The following NECTIN1 variants were observed in gnomAD, a reference collection of about 807,000 sequenced individuals.
NECTIN1 encodes the protein nectin-1.
A neutral mutation model predicts 48.0 loss-of-function variants in NECTIN1; 23 were observed. That is an observed-to-expected ratio of 0.48 (90% CI 0.34 to 0.68). NECTIN1 has a LOEUF of 0.68. Among genes scored for constraint, NECTIN1 ranks in the 30% least tolerant of loss-of-function variants. NECTIN1 has a pLI of 0.01. For missense variants in NECTIN1, 591 were observed against 709.9 expected, an observed-to-expected ratio of 0.83 and a Z score of 1.90; for synonymous variants, 270 against 288.9, an observed-to-expected ratio of 0.93 and a Z score of 0.66.
chr11:119,663,078 C>T lies in NECTIN1; in HGVS notation c.*1669G>A. ...AAGCCTATGGCAGGGTGGGTCAGTGCCCGTGGGGCACAGAGTGGTCTGCCT... is the reference window on the plus strand; with the variant it reads ...AAGCCTATGGCAGGGTGGGTCAGTGTCCGTGGGGCACAGAGTGGTCTGCCT... On this transcript the variant is annotated 3_prime_UTR_variant, in exon 6 of 6. Transcript: ENST00000264025. 8.1e-6 allele frequency: 8 copies of T among 985,438 alleles called. No homozygotes were observed. Among genetic ancestry groups the T allele is most frequent in the Non-Finnish European group, 9.6e-6 (8 of 829,928 alleles). 61.0% of individuals were successfully genotyped at this position (985,438 alleles called of 1,614,324 possible). A position where few individuals can be genotyped will look rare whatever the true frequency, so the allele number is the denominator to read the frequency against.
At chr11:119,638,852 G>GAGAGCCCCCATGTGT in intron 6 of NECTIN1, 2 of 1,528,292 alleles carry the variant, frequency 1.3e-6, no homozygotes, top group Non-Finnish European at 1.8e-6. Flanking sequence ...CACACATGGG[G>GAGAGCCCCCATGTGT]GCTCTCCCCA....
chr11:119,645,117 C>T (rs1273631339), intron 5 of NECTIN1, among the ~76,000 whole-genome samples: 5 of 151,778 alleles, frequency 3.3e-5, no homozygotes, highest in Non-Finnish European at 7.4e-5. Flanking sequence ...CAGGTGTTTG[C>T]GGGGAGCCAG....
chr11:119,707,472 C>G (rs1455861339), intron 1 of NECTIN1, among the ~76,000 whole-genome samples: 12 of 152,064 alleles, frequency 7.9e-5, no homozygotes. Flanking sequence ...ATCTCTCATG[C>G]TAGTGACCAC....
intron 1 of NECTIN1, among the ~76,000 whole-genome samples, chr11:119,728,024 A>T (rs1865941488): frequency 6.6e-6 from 1 of 151,936 alleles, no homozygotes; most frequent in Non-Finnish European, 1.5e-5. Flanking sequence ...CCGCCGAAAG[A>T]GACGAAGCCC....
Position 119,687,547 on chromosome 11 carries a change from G to A in NECTIN1, c.80-8782C>T, listed in dbSNP as rs540839875. Among the ~76,000 whole-genome samples the A allele has an allele frequency of 1.2e-3, 184 of 152,190 alleles. 2 individuals carry two copies. The highest frequency in any genetic ancestry group is 3.7e-3 in the South Asian group (18 of 4,820). On this transcript the variant is annotated intron_variant, in intron 1 of 5. Transcript: ENST00000264025. ...AACAACACTGTCTTGTAGCAGACAC[G>A]GCAGCCTGGATTTCCCTCGGCAAGT...
chr11:119,727,555 C>G lies in NECTIN1; in HGVS notation c.79+920G>C, dbSNP rs1865930461. Among the ~76,000 whole-genome samples the G allele has an allele frequency of 6.6e-6, 1 of 152,212 alleles. No homozygotes were observed. Among genetic ancestry groups the G allele is most frequent in the African/African-American group, 2.4e-5 (1 of 41,466 alleles). ...AAAGGGTTAAATCCAGGCGAGGGGA[C>G]TCGGTCGGATTTGCCTCCTAAACGC... On this transcript the variant is annotated intron_variant, in intron 1 of 5. Transcript: ENST00000264025. This position sits in a 1 kb window ranked among gnomAD's most constrained non-coding sequence, Gnocchi z 4.1.
rs370928169 is a variant in NECTIN1 at position 119,677,515 on chromosome 11, C to T, written c.733+40G>A. 142 of 1,605,916 alleles carry T rather than the reference C, an allele frequency of 8.8e-5. No homozygotes were observed. Among genetic ancestry groups the T allele is most frequent in the South Asian group, 3.0e-4 (27 of 90,830 alleles). Reference sequence around the variant, plus strand: ...GAGGAGGAGGGAGGAGGGACAGTGGCGCCCACCCCAGGAGGCCCCTGGCAG... The same window carrying T: ...GAGGAGGAGGGAGGAGGGACAGTGGTGCCCACCCCAGGAGGCCCCTGGCAG... On this transcript the variant is annotated intron_variant, in intron 3 of 5. Coordinates refer to ENST00000264025, the MANE Select transcript of NECTIN1 (RefSeq NM_002855.5). This position sits in a 1 kb window ranked among gnomAD's most constrained non-coding sequence, Gnocchi z 5.4.
intron 1 of NECTIN1, among the ~76,000 whole-genome samples, chr11:119,681,737 C>G (rs1865063400): frequency 6.6e-6 from 1 of 152,156 alleles, no homozygotes; most frequent in African/African-American, 2.4e-5. Context: ...CAGAAGCAAC[C>G]ACATGGTGGG....
chr11:119,657,645 G>A (rs1864596333), downstream of NECTIN1, among the ~76,000 whole-genome samples: 4 of 148,392 alleles, frequency 2.7e-5, no homozygotes, highest in South Asian at 8.5e-4. Context: ...CTGTTACGGG[G>A]CTCACACCTA....
chr11:119,695,012 C>G (rs926860399), intron 1 of NECTIN1, among the ~76,000 whole-genome samples: 1 of 152,110 alleles, frequency 6.6e-6, no homozygotes, highest in African/African-American at 2.4e-5. Context: ...CTCCTACTGT[C>G]TCTTATCTGG....
chr11:119,664,677 G>C lies in NECTIN1; in HGVS notation c.*70C>G. 6.7e-7 allele frequency: 1 copy of C among 1,483,706 alleles called. No individual in the cohort carries two copies. Among genetic ancestry groups the C allele is most frequent in the Non-Finnish European group, 9.0e-7 (1 of 1,109,422 alleles). The allele number at this position is 1,483,706 out of a possible 1,614,324, so 91.9% of individuals were successfully genotyped here. ...GTTCAGCTCCTGGAGTGGGAGGTGGGGGGTGGGCAGGGGGCGTGCGGGGAG... is the reference window on the plus strand; with the variant it reads ...GTTCAGCTCCTGGAGTGGGAGGTGGCGGGTGGGCAGGGGGCGTGCGGGGAG... On this transcript the variant is annotated 3_prime_UTR_variant, in exon 6 of 6. Coordinates refer to ENST00000264025, the MANE Select transcript of NECTIN1 (RefSeq NM_002855.5).
intron 5 of NECTIN1, among the ~76,000 whole-genome samples, chr11:119,674,118 C>T (rs1163621194): frequency 6.6e-6 from 1 of 152,208 alleles, no homozygotes; most frequent in East Asian, 1.9e-4. Context: ...CTCATGAATC[C>T]TCGTGGCTTG....
chr11:119,650,677 A>C (rs1235679223), intron 5 of NECTIN1, among the ~76,000 whole-genome samples: 1 of 152,142 alleles, frequency 6.6e-6, no homozygotes, highest in Non-Finnish European at 1.5e-5. Context: ...CTGGGGCCAG[A>C]CTGCCTAGGT....
chr11:119,664,477 G>C lies in NECTIN1; in HGVS notation c.*270C>G. The stretch of plus-strand genomic sequence containing the variant: ...GGGCTCCCTACACAGAGGGCAGGCA[G>C]GTGGGGCCCGTAAAGGGAAGATACA... On this transcript the variant is annotated 3_prime_UTR_variant, in exon 6 of 6. Transcript: ENST00000264025. The C allele has an allele frequency of 3.8e-6, 5 of 1,318,384 alleles. No homozygotes were observed. In the South Asian group the frequency reaches 9.9e-5, roughly 26 times the overall value. 81.7% of individuals were successfully genotyped at this position (1,318,384 alleles called of 1,614,324 possible).
intron 1 of NECTIN1, among the ~76,000 whole-genome samples, chr11:119,696,498 C>T (rs1865343098): frequency 6.6e-6 from 1 of 152,274 alleles, no homozygotes; most frequent in African/African-American, 2.4e-5. Flanking sequence ...TCCCCAGCTG[C>T]CCCACCCCCA....
rs1864725928 is a variant in NECTIN1 at position 119,664,492 on chromosome 11, G to C, written c.*255C>G. Reference sequence around the variant, plus strand: ...AGGGCAGGCAGGTGGGGCCCGTAAAGGGAAGATACAGTAACACTAAAGCCA... The same window carrying C: ...AGGGCAGGCAGGTGGGGCCCGTAAACGGAAGATACAGTAACACTAAAGCCA... On this transcript the variant is annotated 3_prime_UTR_variant, in exon 6 of 6. Coordinates refer to ENST00000264025, the MANE Select transcript of NECTIN1 (RefSeq NM_002855.5). 7.4e-7 allele frequency: 1 copy of C among 1,355,844 alleles called. No individual in the cohort carries two copies. The highest frequency in any genetic ancestry group is 3.3e-5 in the Admixed American group (1 of 30,260). The allele number at this position is 1,355,844 out of a possible 1,614,324, so 84.0% of individuals were successfully genotyped here. A position where few individuals can be genotyped will look rare whatever the true frequency, so the allele number is the denominator to read the frequency against.
downstream of NECTIN1, among the ~76,000 whole-genome samples, chr11:119,656,032 G>A (rs970913929): frequency 6.6e-6 from 1 of 152,062 alleles, no homozygotes; most frequent in African/African-American, 2.4e-5. Flanking sequence ...CAAGTAGCTG[G>A]GACCACAGGT....
At position 119,687,742 on chromosome 11, in the gene NECTIN1, C is replaced by T. The variant is rs376760026; in HGVS notation, c.80-8977G>A. On this transcript the variant is annotated intron_variant, in intron 1 of 5. Transcript: ENST00000264025. ...ATTGACATCTGCATTGTCTCAGCCC[C>T]GCAGGCTTCAGGCTGATGTTCAACA... Among the ~76,000 whole-genome samples, 935 of 152,304 alleles carry T rather than the reference C, an allele frequency of 6.1e-3. 10 individuals are homozygous for T. The highest frequency in any genetic ancestry group is 0.021 in the African/African-American group (881 of 41,554).
exon 6 of NECTIN1, chr11:119,639,891 C>T: frequency 6.2e-7 from 1 of 1,614,182 alleles, no homozygotes; most frequent in Non-Finnish European, 8.5e-7. Context: ...CCGGTGGGCT[C>T]TTCTGCTGCC....
Sources: allele counts gnomAD v4.1 joint callset (sites outside exome capture counted in the v4.1 genomes callset), GRCh38; gene constraint gnomAD v4.1.1; non-coding constraint Gnocchi (gnomAD v3.1); transcripts MANE v1.5; gene names NCBI Gene and HGNC (gene_info 2026-07-23, HGNC 2026-07-21).